Variants in PITPNC1 observed in about 807,000 individuals in gnomAD.
The protein encoded by PITPNC1 is phosphatidylinositol transfer protein cytoplasmic 1.
PITPNC1 carries 18 observed loss-of-function variants against 44.7 expected under a neutral mutation model. The observed-to-expected ratio is 0.40, with a 90% CI of 0.28 to 0.60. The LOEUF (loss-of-function observed/expected upper bound fraction) is 0.60. PITPNC1 is among the 20% of genes least tolerant of loss of function. The pLI is 0.39. For missense variants in PITPNC1, 290 were observed against 418.4 expected (o/e 0.69, Z 2.68); for synonymous variants, 141 against 149.6 (o/e 0.94, Z 0.42).
intron 1 of PITPNC1, among the ~76,000 whole-genome samples, chr17:67,414,683 C>T (rs540799311): frequency 7.3e-4 from 111 of 152,106 alleles, no homozygotes; most frequent in Middle Eastern, 6.8e-3. Flanking sequence ...TTTGTCAACC[C>T]GCAGGGGTTG....
rs56194921 is a variant in PITPNC1 at position 67,473,172 on chromosome 17, G to A, written c.49-59630G>A. On this transcript the variant is annotated intron_variant, in intron 1 of 8. Coordinates refer to ENST00000581322, the MANE Select transcript of PITPNC1 (RefSeq NM_012417.4). The stretch of plus-strand genomic sequence containing the variant: ...AATACAGGTGTGAGCCACCGTGCCC[G>A]GCCAATTAATGTATTTTTATTATTT... Among the ~76,000 whole-genome samples the A allele has an allele frequency of 2.8e-3, 428 of 152,070 alleles. 3 individuals carry two copies. The highest frequency in any genetic ancestry group is 0.017 in the Middle Eastern group (5 of 294).
intron 1 of PITPNC1, among the ~76,000 whole-genome samples, chr17:67,381,078 A>T (rs1237739035): frequency 6.6e-6 from 1 of 152,072 alleles, no homozygotes; most frequent in Non-Finnish European, 1.5e-5. Context: ...CTGTAATCCC[A>T]GCACTTGGGG....
intron 6 of PITPNC1, chr17:67,632,439 C>T: frequency 1.7e-6 from 1 of 580,810 alleles, no homozygotes; most frequent in East Asian, 2.9e-5. Flanking sequence ...CTGGCTGTTA[C>T]TCAATCTCCA....
At chr17:67,668,787 G>A (rs1044179941) in intron 6 of PITPNC1, among the ~76,000 whole-genome samples, 14 of 116,190 alleles carry the variant, frequency 1.2e-4, no homozygotes, top group African/African-American at 3.0e-4. Flanking sequence ...GCGTGAACCC[G>A]GGAGGTGGAG....
At chr17:67,662,761 C>T (rs535061363) in intron 6 of PITPNC1, among the ~76,000 whole-genome samples, 44 of 152,130 alleles carry the variant, frequency 2.9e-4, no homozygotes, top group Non-Finnish European at 6.3e-4. Context: ...TGTATCAGTA[C>T]TTCATTTCTT....
At chr17:67,588,149 G>A (rs2041346458) in intron 5 of PITPNC1, among the ~76,000 whole-genome samples, 1 of 152,106 alleles carries the variant, frequency 6.6e-6, no homozygotes, top group South Asian at 2.1e-4. Context: ...GACTACAGGT[G>A]CGCGCCACCA....
chr17:67,599,039 T>G (rs1246053683), intron 5 of PITPNC1, among the ~76,000 whole-genome samples: 44 of 98,540 alleles, frequency 4.5e-4, no homozygotes, highest in African/African-American at 1.8e-3. Context: ...TATATATTTT[T>G]TTTTTTTTTT....
At chr17:67,624,280 C>T (rs1165164305) in intron 5 of PITPNC1, among the ~76,000 whole-genome samples, 8 of 143,568 alleles carry the variant, frequency 5.6e-5, no homozygotes, top group Middle Eastern at 3.4e-3. Context: ...GGCACACTCA[C>T]GGCTCATTGC....
At chr17:67,378,779 C>G (rs745427281) in intron 1 of PITPNC1, among the ~76,000 whole-genome samples, 124 of 152,336 alleles carry the variant, frequency 8.1e-4, no homozygotes, top group Non-Finnish European at 1.5e-3. Context: ...GGCTCGGGAC[C>G]CGGCTGTGTC....
At chr17:67,645,285 G>A (rs573462123) in intron 6 of PITPNC1, among the ~76,000 whole-genome samples, 2 of 150,730 alleles carry the variant, frequency 1.3e-5, no homozygotes, top group South Asian at 2.1e-4. Flanking sequence ...AGGTTGCGGT[G>A]AGCCAAGATC....
At chr17:67,629,459 A>T (rs1332807029) in intron 5 of PITPNC1, among the ~76,000 whole-genome samples, 2 of 152,004 alleles carry the variant, frequency 1.3e-5, no homozygotes, top group Non-Finnish European at 2.9e-5. Flanking sequence ...TCTCCATCTC[A>T]TCATGTTGGC....
At chr17:67,543,903 T>C (rs1271622129) in intron 2 of PITPNC1, among the ~76,000 whole-genome samples, 2 of 152,028 alleles carry the variant, frequency 1.3e-5, no homozygotes, top group African/African-American at 2.4e-5. Flanking sequence ...CAGGCAGGAG[T>C]GCGGTGCTGT....
chr17:67,661,331 C>G (rs2042344184), intron 6 of PITPNC1, among the ~76,000 whole-genome samples: 1 of 152,054 alleles, frequency 6.6e-6, no homozygotes, highest in Non-Finnish European at 1.5e-5. Context: ...CCTTCAGATA[C>G]TTATTATTCA....
At chr17:67,647,462 GGGTTTTTTT>G (rs2042161278) in intron 6 of PITPNC1, among the ~76,000 whole-genome samples, 2 of 96,264 alleles carry the variant, frequency 2.1e-5, no homozygotes, top group Non-Finnish European at 1.9e-5. Flanking sequence ...AGCTAATTTT[GGGTTTTTTT>G]TTTTTTTTTT....
At chr17:67,473,066 A>C (rs547346627) in intron 1 of PITPNC1, among the ~76,000 whole-genome samples, 52 of 151,762 alleles carry the variant, frequency 3.4e-4, no homozygotes, top group Admixed American at 1.9e-3. Context: ...TTAGTAGAGA[A>C]GGGGTTTCAC....
Position 67,697,146 on chromosome 17 carries a change from CCTT to C in PITPNC1, c.*4261_*4263del, listed in dbSNP as rs2043023217. 1 of 150,756 alleles carries C rather than the reference CCTT, an allele frequency of 6.6e-6. No homozygotes were observed. The highest frequency in any genetic ancestry group is 2.1e-4 in the South Asian group (1 of 4,756). 9.3% of individuals were successfully genotyped at this position (150,756 alleles called of 1,614,324 possible). On this transcript the variant is annotated 3_prime_UTR_variant, in exon 9 of 9. Coordinates refer to ENST00000581322, the MANE Select transcript of PITPNC1 (RefSeq NM_012417.4). Reference sequence around the variant, plus strand: ...AAAAGTTGATCCTTACATATGCCATCCTTCTGTGTCATTTTGTGGCTGTTCTGT... The same window carrying C: ...AAAAGTTGATCCTTACATATGCCATCCTGTGTCATTTTGTGGCTGTTCTGT...
At chr17:67,582,178 A>C (rs2041244151) in intron 5 of PITPNC1, among the ~76,000 whole-genome samples, 1 of 152,242 alleles carries the variant, frequency 6.6e-6, no homozygotes, top group Admixed American at 6.5e-5. Flanking sequence ...CCAGGGATTC[A>C]AAACTGGTGT....
At chr17:67,406,592 T>TTG (rs1567977599) in intron 1 of PITPNC1, among the ~76,000 whole-genome samples, 1 of 26,668 alleles carries the variant, frequency 3.7e-5, no homozygotes, top group Non-Finnish European at 7.2e-5. Context: ...TTATATATAG[T>TTG]TTTTTTTTTT....
chr17:67,625,225 T>C (rs117468479), intron 5 of PITPNC1, among the ~76,000 whole-genome samples: 2,103 of 152,136 alleles, frequency 0.014, 19 homozygotes, highest in Non-Finnish European at 0.02. Context: ...ACAGGTGATA[T>C]AGGAAAAGTG....
Sources: gnomAD v4.1 joint callset for allele counts (sites outside exome capture counted in the v4.1 genomes callset) on GRCh38, gnomAD v4.1.1 for gene constraint, MANE v1.5 for transcripts, NCBI Gene and HGNC (gene_info 2026-07-23, HGNC 2026-07-21) for gene names.